Variants in SLFN12L observed in about 807,000 individuals in gnomAD.
The protein encoded by SLFN12L is schlafen family member 12-like.
A neutral mutation model predicts 34.8 loss-of-function variants in SLFN12L; 34 were observed. The ratio of observed to expected loss-of-function variants is 0.98; its 90% CI spans 0.74 to 1.30. The LOEUF (loss-of-function observed/expected upper bound fraction) is 1.30. Ranked by LOEUF, SLFN12L falls within the 50% of genes most tolerant of loss-of-function variation. The pLI is 0.00. For missense variants in SLFN12L, 703 were observed against 696.2 expected, an observed-to-expected ratio of 1.01 and a Z score of -0.11; for synonymous variants, 259 against 247.5, an observed-to-expected ratio of 1.05 and a Z score of -0.44.
rs1440095883 is a variant in SLFN12L at position 35,469,784 on chromosome 17, C to A, written c.*5139G>T. Reference sequence around the variant, plus strand: ...ACACATCGAGCCAATATTTTCCCTACCCTACATAAACCCAGGGCCATGTAA... The same window carrying A: ...ACACATCGAGCCAATATTTTCCCTAACCTACATAAACCCAGGGCCATGTAA... On this transcript the variant is annotated 3_prime_UTR_variant, in exon 5 of 5. Transcript: ENST00000628453. 6.6e-6 allele frequency among the ~76,000 whole-genome samples: 1 copy of A among 152,154 alleles called. No homozygotes were observed. Among genetic ancestry groups the A allele is most frequent in the African/African-American group, 2.4e-5 (1 of 41,444 alleles).
rs57141959 is a variant in SLFN12L at position 35,474,691 on chromosome 17, G to A, written c.*232C>T. 2.4e-5 allele frequency: 9 copies of A among 372,212 alleles called. No individual in the cohort carries two copies. Among genetic ancestry groups the A allele is most frequent in the Non-Finnish European group, 3.9e-5 (8 of 204,242 alleles). 23.1% of individuals were successfully genotyped at this position (372,212 alleles called of 1,614,324 possible). A position where few individuals can be genotyped will look rare whatever the true frequency, so the allele number is the denominator to read the frequency against. On this transcript the variant is annotated 3_prime_UTR_variant, in exon 5 of 5. Coordinates refer to ENST00000628453, the MANE Select transcript of SLFN12L (RefSeq NM_001363830.2). ...ACTCCTAGCACTTTGGGAGACCGGGGGGGGGGGTTGAATCACGAGGTCAGG... is the reference window on the plus strand; with the variant it reads ...ACTCCTAGCACTTTGGGAGACCGGGAGGGGGGGTTGAATCACGAGGTCAGG...
At position 35,469,316 on chromosome 17, in the gene SLFN12L, TTATATATATAAATATATATATAATA is replaced by T. The variant is rs1913766805; in HGVS notation, c.*5582_*5606del. On this transcript the variant is annotated 3_prime_UTR_variant, in exon 5 of 5. Transcript: ENST00000628453. Reference sequence around the variant, plus strand: ...TATATATATATAAAATATATATATATTATATATATAAATATATATATAATATATATATATATGTATTTCAAACTTT... The same window carrying T: ...TATATATATATAAAATATATATATATTATATATATATGTATTTCAAACTTT... 2.3e-5 allele frequency among the ~76,000 whole-genome samples: 3 copies of T among 131,774 alleles called. No homozygotes were observed. The highest frequency in any genetic ancestry group is 1.6e-4 in the Admixed American group (2 of 12,702). 86.4% of individuals were successfully genotyped at this position (131,774 alleles called of 152,430 possible).
chr17:35,510,883 A>G (rs991709631), intron 2 of SLFN12L, among the ~76,000 whole-genome samples: 2 of 151,732 alleles, frequency 1.3e-5, no homozygotes, highest in Admixed American at 1.3e-4. Context: ...AATTACTACT[A>G]ATATCTGACC....
rs1460001236 is a variant in SLFN12L, at chr17:35,530,442, A to AG, written c.-606+7130_-606+7131insC. 3.0e-3 allele frequency among the ~76,000 whole-genome samples: 29 copies of AG among 9,686 alleles called. 1 individual carries two copies. Among genetic ancestry groups the AG allele is most frequent in the Admixed American group, 5.4e-3 (5 of 922 alleles). 6.4% of individuals were successfully genotyped at this position (9,686 alleles called of 152,430 possible). On this transcript the variant is annotated intron_variant, in intron 1 of 4. Transcript: ENST00000628453. ...GGAAGGAAGGAAGGGAAGGGAAGGG[A>AG]AGAAAGAAAGAAAGAAAGAAAGAAA... is the stretch of plus-strand genomic sequence containing the variant.
chr17:35,469,078 G>A lies in SLFN12L; in HGVS notation c.*5845C>T, dbSNP rs76718805. 3.1e-3 allele frequency among the ~76,000 whole-genome samples: 474 copies of A among 151,524 alleles called. 2 individuals carry two copies. Among genetic ancestry groups the A allele is most frequent in the Non-Finnish European group, 5.1e-3 (348 of 67,886 alleles). On this transcript the variant is annotated 3_prime_UTR_variant, in exon 5 of 5. Transcript: ENST00000628453. ...TTCTCTGAAGGCTGTTGCCTCCTGA[G>A]TCAATCCCTCAACCCACTGGGAAGA... is the stretch of plus-strand genomic sequence containing the variant.
At chr17:35,525,226 C>T (rs899803477) in intron 1 of SLFN12L, among the ~76,000 whole-genome samples, 2 of 152,046 alleles carry the variant, frequency 1.3e-5, no homozygotes, top group African/African-American at 4.8e-5. Context: ...ACCACATCTA[C>T]GTTTGATTGG....
chr17:35,480,707 A>G (rs1036904577), intron 2 of SLFN12L, among the ~76,000 whole-genome samples: 6 of 152,080 alleles, frequency 3.9e-5, no homozygotes, highest in Admixed American at 6.5e-5. Flanking sequence ...ATTATTTTTT[A>G]TTCTTATAAG....
rs1280017347 is a variant in SLFN12L at position 35,472,808 on chromosome 17, G to C, written c.*2115C>G. On this transcript the variant is annotated 3_prime_UTR_variant, in exon 5 of 5. Coordinates refer to ENST00000628453, the MANE Select transcript of SLFN12L (RefSeq NM_001363830.2). ...GGATGGAATGTTTTTCCATTTGTTT[G>C]TGTCTTCTCTTGTTTCCTTGAGCAG... is the stretch of plus-strand genomic sequence containing the variant. Among the ~76,000 whole-genome samples the C allele has an allele frequency of 6.6e-6, 1 of 152,134 alleles. No individual in the cohort carries two copies. Among genetic ancestry groups the C allele is most frequent in the Non-Finnish European group, 1.5e-5 (1 of 68,024 alleles).
intron 1 of SLFN12L, among the ~76,000 whole-genome samples, chr17:35,530,743 T>C (rs2072403688): frequency 1.3e-5 from 2 of 152,164 alleles, no homozygotes; most frequent in South Asian, 4.1e-4. Context: ...AAAACTTAAC[T>C]GTGCTATGGT....
At position 35,474,382 on chromosome 17, in the gene SLFN12L, G is replaced by A. The variant is rs1913860143; in HGVS notation, c.*541C>T. 1 of 152,342 alleles carries A rather than the reference G, an allele frequency of 6.6e-6. No individual in the cohort carries two copies. The highest frequency in any genetic ancestry group is 1.5e-5 in the Non-Finnish European group (1 of 68,182). 9.4% of individuals were successfully genotyped at this position (152,342 alleles called of 1,614,324 possible). On this transcript the variant is annotated 3_prime_UTR_variant, in exon 5 of 5. Coordinates refer to ENST00000628453, the MANE Select transcript of SLFN12L (RefSeq NM_001363830.2). ...TTAAGGAATATCTATAAAGAACTTA[G>A]GAAGAAGCGAACATAGGCTAATCCC...
intron 2 of SLFN12L, among the ~76,000 whole-genome samples, chr17:35,506,023 A>G (rs1040535834): frequency 6.6e-6 from 1 of 152,222 alleles, no homozygotes; most frequent in Admixed American, 6.5e-5. Context: ...GTATAATGCT[A>G]TTCTATACAA....
intron 2 of SLFN12L, chr17:35,499,206 A>G (rs1915204720): frequency 2.2e-6 from 2 of 930,136 alleles, no homozygotes; most frequent in Admixed American, 4.3e-5. Context: ...TCTTCCCTGC[A>G]CCTGCCTTCC....
chr17:35,529,064 C>T (rs1453505860), intron 1 of SLFN12L, among the ~76,000 whole-genome samples: 3 of 152,204 alleles, frequency 2.0e-5, no homozygotes, highest in Non-Finnish European at 4.4e-5. Context: ...AAAAAGAAGA[C>T]ATTTATGCAC....
At chr17:35,483,811 G>A (rs1367243153) in intron 2 of SLFN12L, among the ~76,000 whole-genome samples, 1 of 152,128 alleles carries the variant, frequency 6.6e-6, no homozygotes, top group Non-Finnish European at 1.5e-5. Flanking sequence ...GGCTATAAAG[G>A]GGTCAGAATA....
At chr17:35,515,176 T>A (rs1320818133) in intron 2 of SLFN12L, 1 of 614,986 alleles carries the variant, frequency 1.6e-6, no homozygotes, top group Admixed American at 1.9e-5. Context: ...GATGGCTCCG[T>A]TCCGACCCAG....
intron 2 of SLFN12L, among the ~76,000 whole-genome samples, chr17:35,508,508 A>G (rs1010755181): frequency 1.3e-5 from 2 of 152,056 alleles, no homozygotes; most frequent in African/African-American, 4.8e-5. Context: ...CACCATGCTG[A>G]GCCAATTATT....
chr17:35,512,609 G>T (rs760548796), intron 2 of SLFN12L, among the ~76,000 whole-genome samples: 1 of 152,032 alleles, frequency 6.6e-6, no homozygotes, highest in Non-Finnish European at 1.5e-5. Flanking sequence ...CTTGTGATCC[G>T]CCTGCCTCGG....
chr17:35,513,388 T>C (rs1460957962), intron 2 of SLFN12L, among the ~76,000 whole-genome samples: 1 of 152,128 alleles, frequency 6.6e-6, no homozygotes, highest in Admixed American at 6.6e-5. Context: ...ACAAGGTTAA[T>C]GACACTTAAA....
At chr17:35,508,883 A>C (rs1915551164) in intron 2 of SLFN12L, among the ~76,000 whole-genome samples, 1 of 152,182 alleles carries the variant, frequency 6.6e-6, no homozygotes, top group African/African-American at 2.4e-5. Context: ...TGGGCATTAA[A>C]AATTAATATT....
Sources: gnomAD v4.1 joint callset for allele counts (sites outside exome capture counted in the v4.1 genomes callset) on GRCh38, gnomAD v4.1.1 for gene constraint, MANE v1.5 for transcripts, NCBI Gene and HGNC (gene_info 2026-07-23, HGNC 2026-07-21) for gene names.